The following WWTR1 variants were observed in gnomAD, a reference collection of about 807,000 sequenced individuals.
WWTR1 encodes the protein WW domain-containing transcription regulator protein 1.
In WWTR1, 13 loss-of-function variants were observed where a neutral mutation model predicts 40.1. The ratio of observed to expected loss-of-function variants is 0.32; its 90% CI spans 0.21 to 0.52. The LOEUF (loss-of-function observed/expected upper bound fraction) is 0.52. WWTR1 is among the 20% of genes least tolerant of loss of function. WWTR1 has a pLI of 0.97. For synonymous variants in WWTR1, 230 were observed against 210.1 expected, an observed-to-expected ratio of 1.09 and a Z score of -0.82; for missense variants, 436 against 523.1, an observed-to-expected ratio of 0.83 and a Z score of 1.63.
chr3:149,521,819 G>C (rs999157881), intron 6 of WWTR1, among the ~76,000 whole-genome samples: 3 of 152,136 alleles, frequency 2.0e-5, no homozygotes, highest in African/African-American at 7.2e-5. Flanking sequence ...ATCGAGCTTT[G>C]TGGCTGTGTA....
In WWTR1 at chr3:149,519,419, T is replaced by A. The variant is rs1326814046; in HGVS notation, c.*1386A>T. The A allele has an allele frequency of 2.6e-5, 4 of 152,216 alleles. No homozygotes were observed. The allele number at this position is 152,216 out of a possible 1,614,324, so 9.4% of individuals were successfully genotyped here. On this transcript the variant is annotated 3_prime_UTR_variant, in exon 7 of 7. Coordinates refer to ENST00000360632, the MANE Select transcript of WWTR1 (RefSeq NM_015472.6). ...TCAGAGATCTGCTTCATCCTTCAGT[T>A]TCATAGATAGAATTATTTTAAACAC...
intron 4 of WWTR1, among the ~76,000 whole-genome samples, chr3:149,722,315 T>C (rs894128555): frequency 1.3e-5 from 2 of 152,072 alleles, no homozygotes; most frequent in African/African-American, 2.4e-5. Flanking sequence ...CTTTTTCTAG[T>C]TTCTTAAGTT....
At chr3:149,608,894 G>GA (rs887447805) in intron 2 of WWTR1, among the ~76,000 whole-genome samples, 1 of 151,186 alleles carries the variant, frequency 6.6e-6, no homozygotes, top group Non-Finnish European at 1.5e-5. Flanking sequence ...CTTTACAAAA[G>GA]AAAAAAAATA....
intron 2 of WWTR1, among the ~76,000 whole-genome samples, chr3:149,632,540 A>G (rs1252615776): frequency 6.6e-6 from 1 of 152,194 alleles, no homozygotes; most frequent in Non-Finnish European, 1.5e-5. Context: ...CCAGATCCCT[A>G]CCTTTAAAGC....
intron 2 of WWTR1, among the ~76,000 whole-genome samples, chr3:149,665,454 T>C (rs1038558001): frequency 6.6e-6 from 1 of 152,004 alleles, no homozygotes. Flanking sequence ...CTCGATCTCC[T>C]GACCTCATGA....
At chr3:149,593,380 TTTTC>T (rs1298861374) in intron 2 of WWTR1, among the ~76,000 whole-genome samples, 4 of 150,414 alleles carry the variant, frequency 2.7e-5, no homozygotes, top group South Asian at 4.2e-4. Context: ...CTCGTCTTAG[TTTTC>T]TTTCTTTTTT....
chr3:149,664,104 T>C (rs1345774067), intron 2 of WWTR1, among the ~76,000 whole-genome samples: 1 of 152,170 alleles, frequency 6.6e-6, no homozygotes, highest in Non-Finnish European at 1.5e-5. Context: ...TCAGCAAAGG[T>C]GTATGGTTAG....
chr3:149,561,290 T>C (rs1737067820), intron 3 of WWTR1, among the ~76,000 whole-genome samples: 1 of 151,932 alleles, frequency 6.6e-6, no homozygotes, highest in Non-Finnish European at 1.5e-5. Context: ...TGATGGTTTA[T>C]GAACAAAAGA....
chr3:149,714,100 GT>G (rs1469936972), intron 5 of WWTR1, among the ~76,000 whole-genome samples: 1 of 152,240 alleles, frequency 6.6e-6, no homozygotes, highest in East Asian at 1.9e-4. Flanking sequence ...ACGTGAAGGG[GT>G]GGGCAGAGAG....
At position 149,518,338 on chromosome 3, in the gene WWTR1, A is replaced by C. The variant is rs1294149134; in HGVS notation, c.*2467T>G. 6.6e-6 allele frequency: 1 copy of C among 152,128 alleles called. No homozygotes were observed. Among genetic ancestry groups the C allele is most frequent in the African/African-American group, 2.4e-5 (1 of 41,446 alleles). 9.4% of individuals were successfully genotyped at this position (152,128 alleles called of 1,614,324 possible). A position where few individuals can be genotyped will look rare whatever the true frequency, so the allele number is the denominator to read the frequency against. On this transcript the variant is annotated 3_prime_UTR_variant, in exon 7 of 7. Transcript: ENST00000360632. ...CATCAATGATTTACCTACTTTAAAAAAGAGGGGTATCTGTTTCTCTTACAT... is the reference window on the plus strand; with the variant it reads ...CATCAATGATTTACCTACTTTAAAACAGAGGGGTATCTGTTTCTCTTACAT...
At chr3:149,578,803 C>G (rs55705292) in intron 2 of WWTR1, among the ~76,000 whole-genome samples, 1 of 151,944 alleles carries the variant, frequency 6.6e-6, no homozygotes, top group Non-Finnish European at 1.5e-5. Flanking sequence ...ACACTTGAAC[C>G]GGGGAGGCGG....
chr3:149,653,045 C>G (rs1712985296), intron 2 of WWTR1, among the ~76,000 whole-genome samples: 1 of 152,120 alleles, frequency 6.6e-6, no homozygotes, highest in Non-Finnish European at 1.5e-5. Flanking sequence ...AAAATTGTCA[C>G]TAAAAATGAG....
intron 1 of WWTR1, among the ~76,000 whole-genome samples, chr3:149,671,389 G>C (rs1392293082): frequency 6.6e-6 from 1 of 152,126 alleles, no homozygotes; most frequent in Non-Finnish European, 1.5e-5. Context: ...TCAGCCCAGG[G>C]AATCTACGAA....
Position 149,572,870 on chromosome 3 carries a change from T to G in WWTR1, c.562A>C (p.Asn188His). ...PQRSMAVSQP[N>H]LVMNHQHQQQ... is the part of the protein sequence containing the mutation. Reference sequence around the variant, plus strand: ...AAAAAAGCTTGAGGCTTACCGAGATTTGGCTGGGATACTGCCATGGACCTC... The same window carrying G: ...AAAAAAGCTTGAGGCTTACCGAGATGTGGCTGGGATACTGCCATGGACCTC... Residue 188 changes from asparagine to histidine, a missense_variant, in exon 3 of 7, where the codon AAT becomes CAT. Asn to His is a moderately conservative substitution (Grantham distance 68). Coordinates refer to ENST00000360632, the MANE Select transcript of WWTR1 (RefSeq NM_015472.6). 2 of 1,613,768 alleles carry G rather than the reference T, an allele frequency of 1.2e-6. No homozygotes were observed. The highest frequency in any genetic ancestry group is 1.7e-6 in the Non-Finnish European group (2 of 1,179,938).
chr3:149,701,175 A>G (rs1357614827), intron 1 of WWTR1, among the ~76,000 whole-genome samples: 1 of 151,974 alleles, frequency 6.6e-6, no homozygotes, highest in Admixed American at 6.6e-5. Context: ...ATGTAGTAAC[A>G]TTATAATTTA....
chr3:149,557,384 T>A (rs1223614410), intron 3 of WWTR1, among the ~76,000 whole-genome samples: 1 of 152,144 alleles, frequency 6.6e-6, no homozygotes, highest in Non-Finnish European at 1.5e-5. Flanking sequence ...TACTGTAATT[T>A]CTTTTTTAAG....
At chr3:149,694,046 A>T (rs1266908817) in intron 1 of WWTR1, among the ~76,000 whole-genome samples, 1 of 152,212 alleles carries the variant, frequency 6.6e-6, no homozygotes, top group African/African-American at 2.4e-5. Context: ...ATTATCAATG[A>T]AGTGAAAAGA....
At chr3:149,583,766 G>A (rs1738274965) in intron 2 of WWTR1, among the ~76,000 whole-genome samples, 1 of 152,208 alleles carries the variant, frequency 6.6e-6, no homozygotes, top group African/African-American at 2.4e-5. Flanking sequence ...GGTGATGAGT[G>A]CCTGTAATAC....
intron 2 of WWTR1, among the ~76,000 whole-genome samples, chr3:149,640,617 C>T (rs920015906): frequency 2.6e-5 from 4 of 152,014 alleles, no homozygotes; most frequent in Non-Finnish European, 5.9e-5. Flanking sequence ...GACAGGGTTT[C>T]ACCATGTTGG....
Sources: allele counts gnomAD v4.1 joint callset (sites outside exome capture counted in the v4.1 genomes callset), GRCh38; gene constraint gnomAD v4.1.1; transcripts MANE v1.5; gene names NCBI Gene and HGNC (gene_info 2026-07-23, HGNC 2026-07-21).